The following MAP2 variants were observed in gnomAD, a reference collection of about 807,000 sequenced individuals.
MAP2 encodes the protein microtubule associated protein 2, also known as microtubule-associated protein 2.
A neutral mutation model predicts 137.6 loss-of-function variants in MAP2; 14 were observed. The ratio of observed to expected loss-of-function variants is 0.10; its 90% CI spans 0.07 to 0.16. The LOEUF (loss-of-function observed/expected upper bound fraction) is 0.16. Among genes scored for constraint, MAP2 ranks in the 10% least tolerant of loss-of-function variants. The pLI is 1.00. For missense variants in MAP2, 2,088 were observed against 2,191.5 expected, an observed-to-expected ratio of 0.95 and a Z score of 0.94; for synonymous variants, 786 against 782.3, an observed-to-expected ratio of 1.00 and a Z score of -0.08.
intron 2 of MAP2, among the ~76,000 whole-genome samples, chr2:209,574,401 C>T (rs865887904): frequency 2.0e-5 from 3 of 150,836 alleles, no homozygotes; most frequent in Non-Finnish European, 4.4e-5. Flanking sequence ...ATGGCAAGAT[C>T]CTGTTCTTTT....
At chr2:209,495,764 C>T (rs897261784) in intron 1 of MAP2, among the ~76,000 whole-genome samples, 1 of 152,184 alleles carries the variant, frequency 6.6e-6, no homozygotes, top group Non-Finnish European at 1.5e-5. Flanking sequence ...TTGTATTAAA[C>T]ACTTAATACT....
intron 6 of MAP2, 136 bp downstream of exon 6, chr2:209,678,821 G>T: frequency 2.1e-6 from 1 of 466,060 alleles, no homozygotes; most frequent in Non-Finnish European, 3.8e-6. Context: ...CCTTGACTGG[G>T]TATGCACTAG....
chr2:209,471,506 C>G (rs1159709243), intron 1 of MAP2, among the ~76,000 whole-genome samples: 2 of 152,002 alleles, frequency 1.3e-5, no homozygotes, highest in African/African-American at 4.8e-5. Flanking sequence ...GGGGTTTGAC[C>G]ATTAACTGTT....
intron 2 of MAP2, among the ~76,000 whole-genome samples, chr2:209,514,658 T>C (rs57096200): frequency 6.6e-6 from 1 of 152,238 alleles, no homozygotes; most frequent in East Asian, 1.9e-4. Context: ...AAAAATAAAA[T>C]TAATGAATTT....
chr2:209,654,159 G>A (rs908663616), intron 5 of MAP2, among the ~76,000 whole-genome samples: 2 of 152,142 alleles, frequency 1.3e-5, no homozygotes, highest in African/African-American at 4.8e-5. Context: ...ATACAACAAG[G>A]TATTTTAAAT....
intron 1 of MAP2, among the ~76,000 whole-genome samples, chr2:209,480,592 T>TCCAAAA (rs1463786498): frequency 6.6e-6 from 1 of 152,188 alleles, no homozygotes; most frequent in African/African-American, 2.4e-5. Flanking sequence ...TATGTTCTAG[T>TCCAAAA]CCATGAGCAG....
chr2:209,547,345 G>T (rs1019283190), intron 2 of MAP2, among the ~76,000 whole-genome samples: 3 of 151,038 alleles, frequency 2.0e-5, no homozygotes, highest in Non-Finnish European at 4.4e-5. Flanking sequence ...AAATATGTTT[G>T]CTTTGCCAAA....
intron 2 of MAP2, among the ~76,000 whole-genome samples, chr2:209,510,483 T>C (rs1186048167): frequency 6.6e-6 from 1 of 152,056 alleles, no homozygotes; most frequent in Non-Finnish European, 1.5e-5. Context: ...GATTATGTAG[T>C]GTAAAGAAAT....
chr2:209,649,081 T>C (rs1393833199), intron 4 of MAP2, among the ~76,000 whole-genome samples: 1 of 152,090 alleles, frequency 6.6e-6, no homozygotes, highest in Non-Finnish European at 1.5e-5. Context: ...GTCACCCAGG[T>C]TGAGTGCTGT....
chr2:209,666,677 G>T (rs1001257459), intron 5 of MAP2, among the ~76,000 whole-genome samples: 3 of 151,852 alleles, frequency 2.0e-5, no homozygotes, highest in Non-Finnish European at 4.4e-5. Context: ...CTTTAAGGGT[G>T]AACTTAAATT....
chr2:209,465,597 C>A (rs765394898), intron 1 of MAP2, among the ~76,000 whole-genome samples: 3 of 152,082 alleles, frequency 2.0e-5, no homozygotes, highest in African/African-American at 4.8e-5. Flanking sequence ...TCTTTCCATT[C>A]AGTAGTCTCA....
Position 209,697,068 on chromosome 2 carries a change from G to A in MAP2, c.4522+17G>A. On this transcript the variant is annotated intron_variant, in intron 10 of 15. Transcript: ENST00000682079. ...AAACCACAGGTGACTGTTCAATTCT[G>A]CAATGTGACTGGCAAACATAGACAT... The A allele has an allele frequency of 7.0e-6, 11 of 1,565,524 alleles. No homozygotes were observed. Among genetic ancestry groups the A allele is most frequent in the Non-Finnish European group, 9.5e-6 (11 of 1,163,452 alleles).
chr2:209,521,949 C>A (rs945494028), intron 2 of MAP2, among the ~76,000 whole-genome samples: 1 of 151,830 alleles, frequency 6.6e-6, no homozygotes. Flanking sequence ...ACAGAAAAAT[C>A]TTTTGACAAG....
intron 5 of MAP2, among the ~76,000 whole-genome samples, chr2:209,664,073 A>G (rs1464150735): frequency 3.3e-5 from 5 of 152,216 alleles, no homozygotes; most frequent in African/African-American, 1.2e-4. Context: ...TCTTGCTAAT[A>G]CAATTGATCA....
chr2:209,726,079 G>A (rs900174057), intron 14 of MAP2, among the ~76,000 whole-genome samples: 3 of 152,090 alleles, frequency 2.0e-5, no homozygotes, highest in Non-Finnish European at 4.4e-5. Flanking sequence ...TTTGAAATAC[G>A]TAGTCTATAA....
intron 2 of MAP2, among the ~76,000 whole-genome samples, chr2:209,538,879 TATC>T (rs1468220170): frequency 6.6e-6 from 1 of 152,190 alleles, no homozygotes; most frequent in Non-Finnish European, 1.5e-5. Flanking sequence ...TAACAAATAA[TATC>T]ATTGTTGCTT....
intron 10 of MAP2, among the ~76,000 whole-genome samples, chr2:209,699,285 G>A (rs777928889): frequency 7.2e-5 from 11 of 152,116 alleles, no homozygotes; most frequent in Non-Finnish European, 1.5e-4. Context: ...GTTTGTGTCA[G>A]AACTGTACCT....
intron 5 of MAP2, among the ~76,000 whole-genome samples, chr2:209,674,315 A>C (rs1256698810): frequency 6.6e-6 from 1 of 151,838 alleles, no homozygotes; most frequent in East Asian, 1.9e-4. Flanking sequence ...GTGCTGGTGA[A>C]GGACTATATA....
At chr2:209,450,983 T>C (rs537372620) in intron 1 of MAP2, among the ~76,000 whole-genome samples, 7 of 152,188 alleles carry the variant, frequency 4.6e-5, no homozygotes, top group East Asian at 3.9e-4. Flanking sequence ...TAATTTTTTT[T>C]CCCAAGCCAT....
Sources: allele counts gnomAD v4.1 joint callset (sites outside exome capture counted in the v4.1 genomes callset), GRCh38; gene constraint gnomAD v4.1.1; transcripts MANE v1.5; gene names NCBI Gene and HGNC (gene_info 2026-07-23, HGNC 2026-07-21).